The following ARIH1 variants were observed in gnomAD, a reference collection of about 807,000 sequenced individuals.
The protein encoded by ARIH1 is E3 ubiquitin-protein ligase ARIH1.
A neutral mutation model predicts 85.0 loss-of-function variants in ARIH1; 8 were observed. The ratio of observed to expected loss-of-function variants is 0.09; its 90% CI spans 0.06 to 0.17. The LOEUF is 0.17. Ranked by LOEUF, ARIH1 falls within the 10% of genes least tolerant of loss-of-function variation. The pLI is 1.00. For synonymous variants in ARIH1, 238 were observed against 253.6 expected, an observed-to-expected ratio of 0.94 and a Z score of 0.59; for missense variants, 311 against 718.1, an observed-to-expected ratio of 0.43 and a Z score of 6.48.
intron 2 of ARIH1, among the ~76,000 whole-genome samples, chr15:72,530,312 T>C (rs184274985): frequency 6.6e-6 from 1 of 152,208 alleles, no homozygotes; most frequent in Non-Finnish European, 1.5e-5. Flanking sequence ...CTTCCAGTCC[T>C]TGTTGCTCTA....
chr15:72,568,088 A>C (rs2064228709), intron 9 of ARIH1, among the ~76,000 whole-genome samples: 1 of 152,192 alleles, frequency 6.6e-6, no homozygotes, highest in Non-Finnish European at 1.5e-5. Context: ...TGAAACAGTG[A>C]ATCTTGCCAC....
At chr15:72,501,194 G>T (rs565986249) in intron 1 of ARIH1, among the ~76,000 whole-genome samples, 12 of 152,238 alleles carry the variant, frequency 7.9e-5, no homozygotes, top group African/African-American at 2.9e-4. Context: ...TCTAATTCAA[G>T]ATCATTTGGA....
chr15:72,582,584 C>T lies in ARIH1; in HGVS notation c.1589+397C>T, dbSNP rs559445625. Among the ~76,000 whole-genome samples the T allele has an allele frequency of 7.4e-5, 11 of 149,212 alleles. No homozygotes were observed. ...AACTTACTTTTTAGAGTTTTTATTA[C>T]ATATATATATATATATTTTTTTAAT... On this transcript the variant is annotated intron_variant, in intron 13 of 13. Transcript: ENST00000379887. The surrounding 1 kb of genome is among the most constrained non-coding windows in gnomAD (Gnocchi z 4.6).
intron 5 of ARIH1, among the ~76,000 whole-genome samples, chr15:72,558,201 A>G (rs1453600071): frequency 2.0e-5 from 3 of 152,156 alleles, no homozygotes; most frequent in Non-Finnish European, 4.4e-5. Flanking sequence ...GTTTTGAGGT[A>G]TGTTCCTTCA....
intron 1 of ARIH1, among the ~76,000 whole-genome samples, chr15:72,514,215 G>C (rs1000261248): frequency 3.2e-4 from 48 of 151,978 alleles, no homozygotes; most frequent in African/African-American, 1.1e-3. Flanking sequence ...CAGAATTCTA[G>C]CTTGATACCT....
rs1219278210 is a variant in ARIH1, at chr15:72,594,794, ATTTTATGCCTTTTCTTCTTTTTTTT to A, written c.*11507_*11531del. The A allele has an allele frequency of 1.9e-4, 13 of 66,832 alleles. No individual in the cohort carries two copies. Among genetic ancestry groups the A allele is most frequent in the African/African-American group, 8.7e-4 (13 of 15,002 alleles). The allele number at this position is 66,832 out of a possible 1,614,324, so 4.1% of individuals were successfully genotyped here. A position where few individuals can be genotyped will look rare whatever the true frequency, so the allele number is the denominator to read the frequency against. On this transcript the variant is annotated 3_prime_UTR_variant, in exon 14 of 14. Coordinates refer to ENST00000379887, the MANE Select transcript of ARIH1 (RefSeq NM_005744.5). The stretch of plus-strand genomic sequence containing the variant: ...AATAATGTTTTTACTTCTTTTTCTG[ATTTTATGCCTTTTCTTCTTTTTTTT>A]TTTTTTTTTTTTTTTTTTTGTCTTT...
chr15:72,474,939 C>T lies in ARIH1; in HGVS notation c.300C>T (p.Arg100=), dbSNP rs758549510. Residue 100 remains arginine, a synonymous_variant, in exon 1 of 14, where the codon CGC becomes CGT. Coordinates refer to ENST00000379887, the MANE Select transcript of ARIH1 (RefSeq NM_005744.5). ...GPGHEQEEDY[R]YEVLTAEQIL... Reference sequence around the variant, plus strand: ...GGCATGAGCAGGAGGAGGATTACCGCTACGAGGTGCTCACGGCCGAGCAGA... The same window carrying T: ...GGCATGAGCAGGAGGAGGATTACCGTTACGAGGTGCTCACGGCCGAGCAGA... The T allele has an allele frequency of 1.3e-6, 2 of 1,548,020 alleles. No homozygotes were observed. The highest frequency in any genetic ancestry group is 1.7e-6 in the Non-Finnish European group (2 of 1,145,802).
chr15:72,528,704 A>T lies in ARIH1; in HGVS notation c.443+10570A>T, dbSNP rs1053411795. 2.0e-5 allele frequency among the ~76,000 whole-genome samples: 3 copies of T among 152,018 alleles called. No individual in the cohort carries two copies. In the South Asian group the frequency reaches 6.2e-4, roughly 32 times the overall value. On this transcript the variant is annotated intron_variant, in intron 2 of 13. Transcript: ENST00000379887. ...CCCCCATCTCTACAAAAAAATAAAA[A>T]ATTAGCTAGGTGTGGTGATGCACAC...
chr15:72,560,314 C>A (rs549236490), intron 5 of ARIH1, among the ~76,000 whole-genome samples: 1 of 152,074 alleles, frequency 6.6e-6, no homozygotes, highest in African/African-American at 2.4e-5. Flanking sequence ...TATATCCAAA[C>A]GAGTGTGGAA....
rs544426165 is a variant in ARIH1, at chr15:72,587,911, T to G, written c.*4619T>G. 2.0e-5 allele frequency: 3 copies of G among 152,298 alleles called. No individual in the cohort carries two copies. The highest frequency in any genetic ancestry group is 2.0e-4 in the Admixed American group (3 of 15,288). The allele number at this position is 152,298 out of a possible 1,614,324, so 9.4% of individuals were successfully genotyped here. A position where few individuals can be genotyped will look rare whatever the true frequency, so the allele number is the denominator to read the frequency against. Reference sequence around the variant, plus strand: ...TTGACCTTTCTCTAGGCGGTAGCATTTAGGATGGGAAAAAATAATATGAGT... The same window carrying G: ...TTGACCTTTCTCTAGGCGGTAGCATGTAGGATGGGAAAAAATAATATGAGT... On this transcript the variant is annotated 3_prime_UTR_variant, in exon 14 of 14. Transcript: ENST00000379887.
intron 2 of ARIH1, among the ~76,000 whole-genome samples, chr15:72,529,044 CA>C (rs2064043336): frequency 6.6e-6 from 1 of 151,504 alleles, no homozygotes; most frequent in Non-Finnish European, 1.5e-5. Flanking sequence ...ACTAAAAATA[CA>C]AAAAATTAGC....
intron 1 of ARIH1, among the ~76,000 whole-genome samples, chr15:72,485,364 G>A (rs919787307): frequency 1.3e-5 from 2 of 152,166 alleles, no homozygotes; most frequent in Admixed American, 6.5e-5. Flanking sequence ...AGGCATTGCC[G>A]TTAAACAAGA....
At chr15:72,481,104 TA>T (rs1479986443) in intron 1 of ARIH1, among the ~76,000 whole-genome samples, 5 of 152,234 alleles carry the variant, frequency 3.3e-5, no homozygotes, top group African/African-American at 1.2e-4. Flanking sequence ...GTTTTGAAGT[TA>T]TTAAAGTGTT....
chr15:72,593,046 T>TA lies in ARIH1; in HGVS notation c.*9755dup, dbSNP rs2064349223. On this transcript the variant is annotated 3_prime_UTR_variant, in exon 14 of 14. Transcript: ENST00000379887. ...ACTCCTATCAGTGATGTATGAGAGT[T>TA]ACAGTTGCTTCACATGTCTGTCAAC... 1 of 152,246 alleles carries TA rather than the reference T, an allele frequency of 6.6e-6. No homozygotes were observed. The highest frequency in any genetic ancestry group is 2.4e-5 in the African/African-American group (1 of 41,472). The allele number at this position is 152,246 out of a possible 1,614,324, so 9.4% of individuals were successfully genotyped here.
intron 2 of ARIH1, among the ~76,000 whole-genome samples, chr15:72,529,566 T>TA (rs1057405343): frequency 2.0e-5 from 3 of 152,210 alleles, no homozygotes; most frequent in African/African-American, 7.2e-5. Context: ...GATGAGGAGT[T>TA]ACACACAACA....
At chr15:72,578,181 CTCTT>C (rs1466027848) in intron 11 of ARIH1, among the ~76,000 whole-genome samples, 3 of 152,198 alleles carry the variant, frequency 2.0e-5, no homozygotes, top group African/African-American at 4.8e-5. Flanking sequence ...TATCCACAGT[CTCTT>C]TCGTGATTTC....
chr15:72,477,956 C>T (rs946729140), intron 1 of ARIH1, among the ~76,000 whole-genome samples: 1 of 152,050 alleles, frequency 6.6e-6, no homozygotes, highest in Non-Finnish European at 1.5e-5. Flanking sequence ...TCTGGGATTA[C>T]AGGCACCTGC....
chr15:72,510,065 T>G (rs2063943179), intron 1 of ARIH1, among the ~76,000 whole-genome samples: 1 of 152,148 alleles, frequency 6.6e-6, no homozygotes, highest in African/African-American at 2.4e-5. Flanking sequence ...TACAGGGATC[T>G]CCCACCTCTT....
At position 72,480,088 on chromosome 15, in the gene ARIH1, C is replaced by G. The variant is rs531627735; in HGVS notation, c.375+5074C>G. 3.9e-5 allele frequency among the ~76,000 whole-genome samples: 6 copies of G among 151,970 alleles called. No homozygotes were observed. In the East Asian group the frequency reaches 1.2e-3, roughly 30 times the overall value. ...GTTTCACCATGTTAGCCAGGATGATCTGGATCTCCTGACCTCGTGATCCGC... is the reference window on the plus strand; with the variant it reads ...GTTTCACCATGTTAGCCAGGATGATGTGGATCTCCTGACCTCGTGATCCGC... On this transcript the variant is annotated intron_variant, in intron 1 of 13. Coordinates refer to ENST00000379887, the MANE Select transcript of ARIH1 (RefSeq NM_005744.5).
Sources: allele counts gnomAD v4.1 joint callset (sites outside exome capture counted in the v4.1 genomes callset), GRCh38; gene constraint gnomAD v4.1.1; non-coding constraint Gnocchi (gnomAD v3.1); transcripts MANE v1.5; gene names NCBI Gene and HGNC (gene_info 2026-07-23, HGNC 2026-07-21).